Variants in MRTFB observed in about 807,000 individuals in gnomAD.
The protein encoded by MRTFB is myocardin-related transcription factor B.
Under a neutral mutation model 104.2 loss-of-function variants are expected in MRTFB, and 29 were observed. That is an observed-to-expected ratio of 0.28 (90% CI 0.21 to 0.38). The LOEUF (loss-of-function observed/expected upper bound fraction) is 0.38. Ranked by LOEUF, MRTFB falls within the 10% of genes least tolerant of loss-of-function variation. The probability of loss-of-function intolerance (pLI) is 1.00; values close to 1 mark genes in which losing one functional copy is unlikely to be tolerated. For missense variants in MRTFB, 1,270 were observed against 1,341.6 expected, an observed-to-expected ratio of 0.95 and a Z score of 0.83; for synonymous variants, 535 against 519.5, an observed-to-expected ratio of 1.03 and a Z score of -0.41.
chr16:14,065,025 T>C, the MRTFB span, among the ~76,000 whole-genome samples: 1 of 152,206 alleles, frequency 6.6e-6, no homozygotes, highest in Admixed American at 6.6e-5. Flanking sequence ...AGGAATAGCA[T>C]TGATTCTGTA....
chr16:14,250,095 G>A (rs2043194146), intron 13 of MRTFB, among the ~76,000 whole-genome samples: 1 of 152,132 alleles, frequency 6.6e-6, no homozygotes. Context: ...TATGTAGATA[G>A]GATAAATAAG....
chr16:14,128,029 T>G (rs1187604868), intron 2 of MRTFB, among the ~76,000 whole-genome samples: 1 of 150,108 alleles, frequency 6.7e-6, no homozygotes, highest in African/African-American at 2.4e-5. Flanking sequence ...GTAAGTTTAT[T>G]ACTGTGACTT....
chr16:14,165,972 CAT>C (rs1199246771), intron 3 of MRTFB, among the ~76,000 whole-genome samples: 7 of 152,132 alleles, frequency 4.6e-5, no homozygotes, highest in Non-Finnish European at 8.8e-5. Flanking sequence ...CAGTGAGAGC[CAT>C]ATGTTTCTAT....
intron 2 of MRTFB, among the ~76,000 whole-genome samples, chr16:14,137,376 A>G (rs80198214): frequency 0.016 from 2,396 of 152,286 alleles, 65 homozygotes; most frequent in African/African-American, 0.054. Flanking sequence ...AAGTCAAGCC[A>G]TAATAGGTTG....
At chr16:14,128,631 C>T (rs1214551081) in intron 2 of MRTFB, among the ~76,000 whole-genome samples, 1 of 152,056 alleles carries the variant, frequency 6.6e-6, no homozygotes, top group Non-Finnish European at 1.5e-5. Context: ...GATATCTTTC[C>T]ATATCAGTAT....
rs554161890 is a variant in MRTFB, at chr16:14,071,909, A to G, written c.-129+544A>G. On this transcript the variant is annotated intron_variant, in intron 1 of 16. Transcript: ENST00000571589. ...GCCCTGAAGTTGGATGCAGCTTGGT[A>G]TATGGGTTTCTTGGGAGAGAGTTTT... is the stretch of plus-strand genomic sequence containing the variant. Among the ~76,000 whole-genome samples, 11 of 152,250 alleles carry G rather than the reference A, an allele frequency of 7.2e-5. 1 individual carries two copies. The South Asian group carries it at 1.5e-3, about 20-fold the overall frequency.
chr16:14,045,261 A>G, the MRTFB span, among the ~76,000 whole-genome samples: 13 of 152,116 alleles, frequency 8.5e-5, no homozygotes, highest in Non-Finnish European at 1.5e-4. Context: ...TGTTTCCAGA[A>G]CGTCACATGG....
chr16:14,185,851 C>T (rs1371097816), intron 3 of MRTFB, among the ~76,000 whole-genome samples: 1 of 152,186 alleles, frequency 6.6e-6, no homozygotes, highest in African/African-American at 2.4e-5. Context: ...TGGAGACTGG[C>T]TTATCTCCAC....
intron 3 of MRTFB, among the ~76,000 whole-genome samples, chr16:14,202,255 T>G (rs2040740858): frequency 6.6e-6 from 1 of 152,124 alleles, no homozygotes; most frequent in Non-Finnish European, 1.5e-5. Context: ...CAAGACATCT[T>G]CTCCGAGCCA....
chr16:14,238,692 A>G (rs2042632133), intron 9 of MRTFB, among the ~76,000 whole-genome samples: 1 of 152,228 alleles, frequency 6.6e-6, no homozygotes, highest in Non-Finnish European at 1.5e-5. Flanking sequence ...AGTTATGTTG[A>G]AGAAAGTAAA....
intron 3 of MRTFB, among the ~76,000 whole-genome samples, chr16:14,158,898 C>T (rs772875418): frequency 6.6e-6 from 1 of 151,092 alleles, no homozygotes; most frequent in African/African-American, 2.4e-5. Context: ...TTGGGAGTCT[C>T]AGCCAGGAGG....
intron 2 of MRTFB, among the ~76,000 whole-genome samples, chr16:14,081,475 T>G (rs1337656017): frequency 6.6e-6 from 1 of 152,180 alleles, no homozygotes; most frequent in East Asian, 1.9e-4. Context: ...GTATTTTTAG[T>G]AGAGACGGGG....
At chr16:14,136,602 A>G (rs2037734041) in intron 2 of MRTFB, among the ~76,000 whole-genome samples, 2 of 152,294 alleles carry the variant, frequency 1.3e-5, no homozygotes, top group South Asian at 4.1e-4. Context: ...AGCACTTGTG[A>G]ACACATATTA....
intron 9 of MRTFB, among the ~76,000 whole-genome samples, chr16:14,236,469 C>G (rs1416276958): frequency 6.6e-6 from 1 of 152,148 alleles, no homozygotes; most frequent in African/African-American, 2.4e-5. Flanking sequence ...AAATCCCCAC[C>G]CTTAGGGTAA....
intron 13 of MRTFB, among the ~76,000 whole-genome samples, chr16:14,251,310 G>A (rs1272375949): frequency 6.7e-6 from 1 of 149,138 alleles, no homozygotes; most frequent in African/African-American, 2.5e-5. Flanking sequence ...CTGGGAGGCG[G>A]AGCTTGCAGT....
At chr16:14,200,177 G>A in intron 3 of MRTFB, 1 of 845,822 alleles carries the variant, frequency 1.2e-6, no homozygotes, top group South Asian at 1.8e-5. Flanking sequence ...CAAAATGAAT[G>A]AGGATATTCA....
At chr16:14,013,807 T>C in the MRTFB span, among the ~76,000 whole-genome samples, 1 of 152,174 alleles carries the variant, frequency 6.6e-6, no homozygotes, top group Admixed American at 6.5e-5. Context: ...TGCTAACCAC[T>C]TTCCCACTGC....
chr16:14,257,758 T>C (rs1000198162), intron 15 of MRTFB, among the ~76,000 whole-genome samples: 1 of 152,202 alleles, frequency 6.6e-6, no homozygotes, highest in South Asian at 2.1e-4. Flanking sequence ...CAAATATGTA[T>C]AGTGTGATCA....
At chr16:14,134,136 GTTAT>G (rs2037584244) in intron 2 of MRTFB, among the ~76,000 whole-genome samples, 1 of 152,128 alleles carries the variant, frequency 6.6e-6, no homozygotes, top group Non-Finnish European at 1.5e-5. Flanking sequence ...TCATTTGAAA[GTTAT>G]TCCTCTAGTG....
Sources: gnomAD v4.1 joint callset for allele counts (sites outside exome capture counted in the v4.1 genomes callset) on GRCh38, gnomAD v4.1.1 for gene constraint, MANE v1.5 for transcripts, NCBI Gene and HGNC (gene_info 2026-07-23, HGNC 2026-07-21) for gene names.